CACNG3: variants seen among roughly 807,000 people sequenced by gnomAD.
CACNG3 encodes the protein voltage-dependent calcium channel gamma-3 subunit.
In CACNG3, 3 loss-of-function variants were observed where a neutral mutation model predicts 28.5. The ratio of observed to expected loss-of-function variants is 0.11; its 90% confidence interval spans 0.05 to 0.27. The LOEUF is 0.27. CACNG3 is among the 10% of genes least tolerant of loss of function. The probability of loss-of-function intolerance (pLI) is 1.00; values close to 1 mark genes in which losing one functional copy is unlikely to be tolerated. For missense variants in CACNG3, 236 were observed against 414.4 expected (o/e 0.57, Z 3.74); for synonymous variants, 174 against 162.2 (o/e 1.07, Z -0.55).
intron 1 of CACNG3, among the ~76,000 whole-genome samples, chr16:24,265,209 T>G (rs1898581324): frequency 6.8e-6 from 1 of 146,406 alleles, no homozygotes; most frequent in African/African-American, 2.7e-5. Context: ...GCCACTGCAC[T>G]CTAGCCTGGG....
intron 1 of CACNG3, among the ~76,000 whole-genome samples, chr16:24,345,727 T>G (rs1314279978): frequency 6.6e-6 from 1 of 152,154 alleles, no homozygotes; most frequent in Non-Finnish European, 1.5e-5. Context: ...ACAGCAAATG[T>G]GGACGGATGT....
chr16:24,338,193 C>T (rs1322563411), intron 1 of CACNG3, among the ~76,000 whole-genome samples: 4 of 152,156 alleles, frequency 2.6e-5, no homozygotes, highest in Non-Finnish European at 5.9e-5. Flanking sequence ...TTCCTGGACT[C>T]TTCATATAAC....
chr16:24,344,978 A>C (rs558217128), intron 1 of CACNG3, among the ~76,000 whole-genome samples: 1 of 152,248 alleles, frequency 6.6e-6, no homozygotes, highest in South Asian at 2.1e-4. Flanking sequence ...CCATTGTCTC[A>C]TTATCAAATG....
At chr16:24,303,952 C>G (rs911713129) in intron 1 of CACNG3, among the ~76,000 whole-genome samples, 9 of 151,976 alleles carry the variant, frequency 5.9e-5, no homozygotes, top group African/African-American at 1.9e-4. Context: ...ACATGTGGTC[C>G]CAGCCTACAC....
At chr16:24,264,244 T>C (rs1418929430) in intron 1 of CACNG3, among the ~76,000 whole-genome samples, 1 of 152,188 alleles carries the variant, frequency 6.6e-6, no homozygotes, top group South Asian at 2.1e-4. Flanking sequence ...GAGTAGGGGC[T>C]GAGAGTTAGC....
chr16:24,307,021 C>T (rs530788116), intron 1 of CACNG3, among the ~76,000 whole-genome samples: 1 of 152,328 alleles, frequency 6.6e-6, no homozygotes, highest in South Asian at 2.1e-4. Flanking sequence ...GCCAAGGTCA[C>T]ACCCGCTTCC....
At chr16:24,304,381 T>C (rs971916719) in intron 1 of CACNG3, among the ~76,000 whole-genome samples, 2 of 152,156 alleles carry the variant, frequency 1.3e-5, no homozygotes, top group Admixed American at 6.5e-5. Flanking sequence ...TTAAAGTGCA[T>C]GTACAGAGAA....
chr16:24,328,368 T>C (rs752956628), intron 1 of CACNG3, among the ~76,000 whole-genome samples: 3 of 148,292 alleles, frequency 2.0e-5, no homozygotes, highest in Non-Finnish European at 1.5e-5. Context: ...GTGAGAAAGA[T>C]CTGGAGAGGG....
intron 1 of CACNG3, among the ~76,000 whole-genome samples, chr16:24,322,232 G>A (rs1293697653): frequency 6.6e-6 from 1 of 152,138 alleles, no homozygotes; most frequent in Non-Finnish European, 1.5e-5. Flanking sequence ...GCTCACGTCA[G>A]CATCACTCCT....
chr16:24,265,951 C>G (rs1898604064), intron 1 of CACNG3, among the ~76,000 whole-genome samples: 1 of 152,182 alleles, frequency 6.6e-6, no homozygotes, highest in Non-Finnish European at 1.5e-5. Flanking sequence ...TAATAACACT[C>G]TATTTCTAGA....
chr16:24,361,764 C>T lies in CACNG3; in HGVS notation c.849C>T (p.Asp283=), dbSNP rs1900104945. Residue 283 remains aspartate, a synonymous_variant, in exon 4 of 4, where the codon GAC becomes GAT. Transcript: ENST00000005284. This position sits in a 1 kb window ranked among gnomAD's most constrained non-coding sequence, Gnocchi z 6.8. ...CCATGGGGACCCTCCTCAACTCCGA[C>T]CGGGACCACGCTTTTCTACAGTTCC... The part of the protein sequence containing the change: ...KITMGTLLNS[D]RDHAFLQFHN... 1 of 1,614,106 alleles carries T rather than the reference C, an allele frequency of 6.2e-7. No homozygotes were observed. Among genetic ancestry groups the T allele is most frequent in the Non-Finnish European group, 8.5e-7 (1 of 1,180,006 alleles).
At chr16:24,287,467 G>A (rs372658041) in intron 1 of CACNG3, among the ~76,000 whole-genome samples, 1 of 134,456 alleles carries the variant, frequency 7.4e-6, no homozygotes, top group African/African-American at 2.9e-5. Context: ...GCAGTGAGCC[G>A]AGATCAAGCC....
chr16:24,271,968 G>A (rs1031891379), intron 1 of CACNG3, among the ~76,000 whole-genome samples: 6 of 152,074 alleles, frequency 3.9e-5, no homozygotes, highest in African/African-American at 7.2e-5. Context: ...TCAAGTACTC[G>A]GGGCTGGAAT....
chr16:24,335,515 C>G (rs1267001459), intron 1 of CACNG3, among the ~76,000 whole-genome samples: 1 of 152,204 alleles, frequency 6.6e-6, no homozygotes, highest in Non-Finnish European at 1.5e-5. Flanking sequence ...AAGCATTGCT[C>G]TAATGCACTT....
At chr16:24,312,486 T>C (rs748311994) in intron 1 of CACNG3, among the ~76,000 whole-genome samples, 10 of 152,054 alleles carry the variant, frequency 6.6e-5, no homozygotes, top group Non-Finnish European at 1.2e-4. Context: ...GTGATAATAA[T>C]AGTTATCTTC....
intron 1 of CACNG3, among the ~76,000 whole-genome samples, chr16:24,292,855 A>G (rs1898983221): frequency 6.6e-6 from 1 of 152,248 alleles, no homozygotes; most frequent in Non-Finnish European, 1.5e-5. Flanking sequence ...ATTAGGGAAA[A>G]GAGCCTAAAC....
chr16:24,307,328 G>T (rs2141362829), intron 1 of CACNG3, among the ~76,000 whole-genome samples: 1 of 152,072 alleles, frequency 6.6e-6, no homozygotes, highest in Non-Finnish European at 1.5e-5. Context: ...CACCATGTTG[G>T]CCAGGTTGGT....
intron 1 of CACNG3, among the ~76,000 whole-genome samples, chr16:24,269,372 A>G (rs1249111749): frequency 6.6e-6 from 1 of 152,114 alleles, no homozygotes; most frequent in African/African-American, 2.4e-5. Context: ...CTTACAAATT[A>G]CCCTATTAAT....
intron 1 of CACNG3, among the ~76,000 whole-genome samples, chr16:24,309,915 C>A (rs1434930100): frequency 1.3e-5 from 2 of 152,140 alleles, no homozygotes; most frequent in Admixed American, 1.3e-4. Flanking sequence ...AGGTGTCATG[C>A]TACATCGCGG....
Sources: gnomAD v4.1 joint callset for allele counts (sites outside exome capture counted in the v4.1 genomes callset) on GRCh38, gnomAD v4.1.1 for gene constraint, Gnocchi (gnomAD v3.1) non-coding constraint, MANE v1.5 for transcripts, NCBI Gene and HGNC (gene_info 2026-07-23, HGNC 2026-07-21) for gene names.